The following MAPK8IP3 variants were observed in gnomAD, a reference collection of about 807,000 sequenced individuals.
The protein encoded by MAPK8IP3 is mitogen-activated protein kinase 8 interacting protein 3.
Under a neutral mutation model 157.8 loss-of-function variants are expected in MAPK8IP3, and 49 were observed. The observed-to-expected ratio is 0.31, with a 90% confidence interval of 0.25 to 0.39. The LOEUF (loss-of-function observed/expected upper bound fraction) is 0.39, where lower values mean the gene tolerates loss of function less well. Ranked by LOEUF, MAPK8IP3 falls within the 10% of genes least tolerant of loss-of-function variation. The pLI is 1.00. For synonymous variants in MAPK8IP3, 897 were observed against 777.7 expected (o/e 1.15, Z -2.55); for missense variants, 1,478 against 1,889.4 (o/e 0.78, Z 4.04).
chr16:1,720,265 A>T (rs1470677312), intron 1 of MAPK8IP3, among the ~76,000 whole-genome samples: 1 of 152,148 alleles, frequency 6.6e-6, no homozygotes, highest in Non-Finnish European at 1.5e-5. Flanking sequence ...TGAACTCCTG[A>T]CCTCAGGTGA....
At chr16:1,719,160 G>C (rs1181060323) in intron 1 of MAPK8IP3, among the ~76,000 whole-genome samples, 1 of 152,148 alleles carries the variant, frequency 6.6e-6, no homozygotes, top group Non-Finnish European at 1.5e-5. Flanking sequence ...GTAGAGGTAA[G>C]GTCTTGTTAT....
Position 1,768,385 on chromosome 16 carries a change from C to A in MAPK8IP3, c.3742+7C>A. 1 of 1,598,848 alleles carries A rather than the reference C, an allele frequency of 6.3e-7. No homozygotes were observed. The highest frequency in any genetic ancestry group is 8.5e-7 in the Non-Finnish European group (1 of 1,178,838). Reference sequence around the variant, plus strand: ...TTCTTTGTCTCGGTGCCAGGTGAGGCTGGGCCCCTCCTGCCATCCACATCC... The same window carrying A: ...TTCTTTGTCTCGGTGCCAGGTGAGGATGGGCCCCTCCTGCCATCCACATCC... On this transcript the variant is annotated splice_region_variant and intron_variant, in intron 30 of 31. Coordinates refer to ENST00000610761, the MANE Select transcript of MAPK8IP3 (RefSeq NM_001318852.2).
At chr16:1,762,622 G>A (rs1330158635) in intron 14 of MAPK8IP3, 53 bp from the exon 15 acceptor site, 3 of 1,544,260 alleles carry the variant, frequency 1.9e-6, no homozygotes, top group Non-Finnish European at 2.6e-6. Context: ...AGAGTCGCAG[G>A]TAAGGGAGGC....
rs2042541964 is a variant in MAPK8IP3 at position 1,770,289 on chromosome 16, C to T, written c.*1465C>T. The T allele has an allele frequency of 9.0e-6, 2 of 222,586 alleles. No homozygotes were observed. The highest frequency in any genetic ancestry group is 1.8e-5 in the Non-Finnish European group (2 of 113,516). 13.8% of individuals were successfully genotyped at this position (222,586 alleles called of 1,614,324 possible). On this transcript the variant is annotated 3_prime_UTR_variant, in exon 32 of 32. Coordinates refer to ENST00000610761, the MANE Select transcript of MAPK8IP3 (RefSeq NM_001318852.2). The stretch of plus-strand genomic sequence containing the variant: ...CTGCAAGCAAACCCACATATCTGCT[C>T]TGTATGTAATAAATGTCTTAACGTC...
At chr16:1,735,563 G>A (rs569342462) in intron 4 of MAPK8IP3, among the ~76,000 whole-genome samples, 39 of 145,264 alleles carry the variant, frequency 2.7e-4, no homozygotes, top group Admixed American at 1.3e-3. Context: ...GAGTGTGACC[G>A]TCCATGTGAG....
At chr16:1,749,246 A>G (rs1459567977) in intron 8 of MAPK8IP3, among the ~76,000 whole-genome samples, 1 of 152,068 alleles carries the variant, frequency 6.6e-6, no homozygotes, top group African/African-American at 2.4e-5. Flanking sequence ...TGGGGCAGCC[A>G]CCCCCATGAT....
At position 1,731,515 on chromosome 16, in the gene MAPK8IP3, G is replaced by A. The variant is rs929777030; in HGVS notation, c.602+1937G>A. 1.1e-4 allele frequency among the ~76,000 whole-genome samples: 17 copies of A among 152,212 alleles called. 1 individual carries two copies. Among genetic ancestry groups the A allele is most frequent in the Admixed American group, 9.2e-4 (14 of 15,280 alleles). ...AGACAGGAGGGCCAGGCAGTGTCAC[G>A]TGTCACGCATGAGGCCAGTTCTAGG... On this transcript the variant is annotated intron_variant, in intron 4 of 31. Coordinates refer to ENST00000610761, the MANE Select transcript of MAPK8IP3 (RefSeq NM_001318852.2).
chr16:1,767,466 GA>G, intron 26 of MAPK8IP3, 97 bp from the exon 27 acceptor site: 1 of 1,519,884 alleles, frequency 6.6e-7, no homozygotes, highest in Non-Finnish European at 9.0e-7. Flanking sequence ...TGGGAGGTCT[GA>G]GGGGACTGCA....
chr16:1,753,121 C>T (rs146155259), intron 8 of MAPK8IP3, among the ~76,000 whole-genome samples: 296 of 152,306 alleles, frequency 1.9e-3, no homozygotes, highest in Non-Finnish European at 3.0e-3. Flanking sequence ...AGGTGGAGAG[C>T]GACATCCCTC....
intron 1 of MAPK8IP3, among the ~76,000 whole-genome samples, chr16:1,722,735 C>T (rs968295073): frequency 2.0e-5 from 3 of 151,762 alleles, no homozygotes; most frequent in Admixed American, 6.6e-5. Flanking sequence ...GATGGAGTCT[C>T]GCTCTGTCGC....
At position 1,761,866 on chromosome 16, in the gene MAPK8IP3, G is replaced by A. The variant is rs147480570; in HGVS notation, c.1540-485G>A. 1.2e-4 allele frequency among the ~76,000 whole-genome samples: 18 copies of A among 152,334 alleles called. No individual in the cohort carries two copies. The East Asian group carries it at 2.9e-3, about 24-fold the overall frequency. On this transcript the variant is annotated intron_variant, in intron 13 of 31. Coordinates refer to ENST00000610761, the MANE Select transcript of MAPK8IP3 (RefSeq NM_001318852.2). Reference sequence around the variant, plus strand: ...ACAGTATATCCTACTATTCACACTCGGGGCATGGGGATGCGGGGTGCCTCC... The same window carrying A: ...ACAGTATATCCTACTATTCACACTCAGGGCATGGGGATGCGGGGTGCCTCC...
At chr16:1,760,573 G>C (rs746632895) in intron 12 of MAPK8IP3, 41 bp downstream of exon 12, 2 of 1,584,688 alleles carry the variant, frequency 1.3e-6, no homozygotes, top group Non-Finnish European at 1.7e-6. Flanking sequence ...GAGGGACCCC[G>C]GCCTCAGGGC....
At chr16:1,723,898 A>T (rs1330689022) in intron 1 of MAPK8IP3, among the ~76,000 whole-genome samples, 1 of 152,142 alleles carries the variant, frequency 6.6e-6, no homozygotes, top group Non-Finnish European at 1.5e-5. Context: ...CCTGAAACTT[A>T]CCACATAAGG....
chr16:1,730,597 A>C (rs532243990), intron 4 of MAPK8IP3, among the ~76,000 whole-genome samples: 24 of 152,212 alleles, frequency 1.6e-4, no homozygotes, highest in African/African-American at 4.3e-4. Context: ...TAATCCCAGC[A>C]CTTTGGGAGG....
chr16:1,729,593 G>T lies in MAPK8IP3; in HGVS notation c.602+15G>T. ...CCGGGGCGGAGGTACGCGGGGCGCG[G>T]CGGGGTGGAGGTACGCGGGGCGCGG... is the stretch of plus-strand genomic sequence containing the variant. On this transcript the variant is annotated intron_variant, in intron 4 of 31. Coordinates refer to ENST00000610761, the MANE Select transcript of MAPK8IP3 (RefSeq NM_001318852.2). 1 of 1,579,870 alleles carries T rather than the reference G, an allele frequency of 6.3e-7. No individual in the cohort carries two copies. The highest frequency in any genetic ancestry group is 8.6e-7 in the Non-Finnish European group (1 of 1,160,546).
intron 4 of MAPK8IP3, among the ~76,000 whole-genome samples, chr16:1,738,191 CGT>C (rs1238598169): frequency 2.9e-5 from 2 of 67,900 alleles, no homozygotes; most frequent in South Asian, 1.2e-3. Flanking sequence ...CGTCCGTGAG[CGT>C]GTGACCGTCC....
chr16:1,726,633 G>A lies in MAPK8IP3; in HGVS notation c.439+1956G>A, dbSNP rs140553450. Among the ~76,000 whole-genome samples the A allele has an allele frequency of 7.2e-5, 11 of 152,210 alleles. No homozygotes were observed. In the East Asian group the frequency reaches 1.4e-3, roughly 19 times the overall value. ...AGAGGCTGCAGTAAGCCTTGATCAC[G>A]CCACTGCACCCCAGCCTGGGTGACA... On this transcript the variant is annotated intron_variant, in intron 2 of 31. Coordinates refer to ENST00000610761, the MANE Select transcript of MAPK8IP3 (RefSeq NM_001318852.2).
At chr16:1,763,808 G>C (rs1332875638) in intron 17 of MAPK8IP3, 25 bp downstream of exon 17, 3 of 1,462,592 alleles carry the variant, frequency 2.1e-6, no homozygotes, top group African/African-American at 1.5e-5. Context: ...TGCGGGGACC[G>C]GGCGGGGCCC....
In MAPK8IP3 at chr16:1,766,621, C is replaced by T. The variant is rs867337331; in HGVS notation, c.2912C>T (p.Thr971Ile). The T allele has an allele frequency of 6.2e-7, 1 of 1,612,438 alleles. No homozygotes were observed. Among genetic ancestry groups the T allele is most frequent in the South Asian group, 1.1e-5 (1 of 91,066 alleles). ...GGAGCAGGCAGCAGTGCTGCACCCA[C>T]CATGTGGCTGGGAGCCCAGAACGGC... ...PTGAGSSAAPTMWLGAQNGWL... is the reference protein window; with the variant it reads ...PTGAGSSAAPIMWLGAQNGWL... The change falls in exon 23 of 32, where the codon ACC becomes ATC. Residue 971 changes from threonine to isoleucine, a missense_variant. Transcript: ENST00000610761.
Sources: gnomAD v4.1 joint callset for allele counts (sites outside exome capture counted in the v4.1 genomes callset) on GRCh38, gnomAD v4.1.1 for gene constraint, MANE v1.5 for transcripts, NCBI Gene and HGNC (gene_info 2026-07-23, HGNC 2026-07-21) for gene names.